Variants in PPP1R9A observed in about 807,000 individuals in gnomAD.
PPP1R9A encodes the protein protein phosphatase 1 regulatory subunit 9A.
A neutral mutation model predicts 141.9 loss-of-function variants in PPP1R9A; 59 were observed. The observed-to-expected ratio is 0.42, with a 90% CI of 0.34 to 0.52. PPP1R9A has a LOEUF of 0.52. Among genes scored for constraint, PPP1R9A ranks in the 20% least tolerant of loss-of-function variants. The pLI is 0.10. For missense variants in PPP1R9A, 1,444 were observed against 1,611.9 expected, an observed-to-expected ratio of 0.90 and a Z score of 1.78; for synonymous variants, 500 against 569.7, an observed-to-expected ratio of 0.88 and a Z score of 1.74.
Position 95,181,329 on chromosome 7 carries a change from A to G in PPP1R9A, c.1755-17020A>G, listed in dbSNP as rs541400004. Among the ~76,000 whole-genome samples the G allele has an allele frequency of 4.7e-3, 660 of 141,190 alleles. 5 individuals are homozygous for G. The highest frequency in any genetic ancestry group is 0.016 in the African/African-American group (634 of 38,756). 92.6% of individuals were successfully genotyped at this position (141,190 alleles called of 152,430 possible). On this transcript the variant is annotated intron_variant, in intron 5 of 19. Transcript: ENST00000433360. ...GAGAATATATATAGAATATATATATAGAATATATAGAATATATATAGTATA... is the reference window on the plus strand; with the variant it reads ...GAGAATATATATAGAATATATATATGGAATATATAGAATATATATAGTATA...
chr7:95,157,610 C>T (rs1584998844), intron 4 of PPP1R9A, among the ~76,000 whole-genome samples: 1 of 152,204 alleles, frequency 6.6e-6, no homozygotes, highest in South Asian at 2.1e-4. Flanking sequence ...CAGCGGCAGG[C>T]CGTCTGGAGT....
chr7:95,221,490 G>C (rs537637660), intron 7 of PPP1R9A, among the ~76,000 whole-genome samples: 1 of 151,852 alleles, frequency 6.6e-6, no homozygotes, highest in South Asian at 2.1e-4. Context: ...AGTGTCCCAG[G>C]CTCTAGTATG....
At chr7:94,916,819 G>GT (rs939333429) in intron 2 of PPP1R9A, among the ~76,000 whole-genome samples, 3 of 151,452 alleles carry the variant, frequency 2.0e-5, no homozygotes, top group African/African-American at 7.3e-5. Flanking sequence ...TTTGTTTTTT[G>GT]TTTTTTGTTT....
chr7:94,953,689 T>G (rs1024855338), intron 2 of PPP1R9A, among the ~76,000 whole-genome samples: 3 of 152,056 alleles, frequency 2.0e-5, no homozygotes, highest in African/African-American at 7.2e-5. Context: ...CTTGTGAGTT[T>G]TATTCCTAGG....
intron 2 of PPP1R9A, among the ~76,000 whole-genome samples, chr7:94,934,174 G>A (rs979011277): frequency 2.0e-5 from 3 of 152,162 alleles, no homozygotes; most frequent in African/African-American, 7.2e-5. Context: ...GTAGAATTTT[G>A]TTTGGGCAAT....
rs910814004 is a variant in PPP1R9A, at chr7:95,210,778, A to G, written c.1956+7048A>G. Reference sequence around the variant, plus strand: ...CCCACCAATGATAGACTGGATAAAGAAAATGTGGCACATATACACCATGCA... The same window carrying G: ...CCCACCAATGATAGACTGGATAAAGGAAATGTGGCACATATACACCATGCA... On this transcript the variant is annotated intron_variant, in intron 7 of 19. Coordinates refer to ENST00000433360, the MANE Select transcript of PPP1R9A (RefSeq NM_001166160.2). 9.2e-5 allele frequency among the ~76,000 whole-genome samples: 14 copies of G among 152,256 alleles called. 1 individual carries two copies. Among genetic ancestry groups the G allele is most frequent in the Admixed American group, 7.2e-4 (11 of 15,286 alleles).
intron 5 of PPP1R9A, among the ~76,000 whole-genome samples, chr7:95,190,293 C>T (rs1322233469): frequency 6.6e-6 from 1 of 152,118 alleles, no homozygotes; most frequent in Non-Finnish European, 1.5e-5. Flanking sequence ...TGTTATTGCT[C>T]CTCTGGGTTT....
At chr7:95,023,494 T>C (rs571937751) in intron 2 of PPP1R9A, among the ~76,000 whole-genome samples, 2 of 150,792 alleles carry the variant, frequency 1.3e-5, no homozygotes, top group Admixed American at 1.3e-4. Context: ...GCTCTCATAT[T>C]AGGTATTTCT....
chr7:95,125,756 A>G (rs543796398), intron 4 of PPP1R9A, among the ~76,000 whole-genome samples: 4 of 152,356 alleles, frequency 2.6e-5, no homozygotes, highest in Non-Finnish European at 5.9e-5. Flanking sequence ...TTATTGGAAG[A>G]GATACCACAT....
rs1475960824 is a variant in PPP1R9A, at chr7:95,151,562, A to T, written c.1650-10305A>T. ...ATGGTGGATACATGTCATCCATCAT[A>T]CATTTGTCAAAACCCGTAGAATGTG... On this transcript the variant is annotated intron_variant, in intron 4 of 19. Coordinates refer to ENST00000433360, the MANE Select transcript of PPP1R9A (RefSeq NM_001166160.2). 3.3e-5 allele frequency among the ~76,000 whole-genome samples: 5 copies of T among 152,294 alleles called. 1 individual carries two copies. Among genetic ancestry groups the T allele is most frequent in the African/African-American group, 1.2e-4 (5 of 41,572 alleles).
chr7:95,237,992 A>G (rs1796943975), intron 8 of PPP1R9A, among the ~76,000 whole-genome samples: 1 of 152,030 alleles, frequency 6.6e-6, no homozygotes, highest in South Asian at 2.1e-4. Flanking sequence ...CTTTAAAGTT[A>G]TACATTTGTA....
intron 4 of PPP1R9A, among the ~76,000 whole-genome samples, chr7:95,158,557 A>T (rs888593628): frequency 2.0e-5 from 3 of 152,180 alleles, no homozygotes; most frequent in Admixed American, 6.5e-5. Flanking sequence ...GTACTTCTTA[A>T]ACAAAACACA....
In PPP1R9A at chr7:94,925,481, G is replaced by A. The variant is rs1464937936; in HGVS notation, c.1395+13973G>A. Among the ~76,000 whole-genome samples, 3 of 152,008 alleles carry A rather than the reference G, an allele frequency of 2.0e-5. No homozygotes were observed. In the East Asian group the frequency reaches 5.8e-4, roughly 29 times the overall value. On this transcript the variant is annotated intron_variant, in intron 2 of 19. Transcript: ENST00000433360. Reference sequence around the variant, plus strand: ...AGGAAACTCATTTTTCCCCCCACATGTCTTAGTGGGGGAGTTGGTTCCTCT... The same window carrying A: ...AGGAAACTCATTTTTCCCCCCACATATCTTAGTGGGGGAGTTGGTTCCTCT...
chr7:95,080,908 C>G (rs1815715114), intron 2 of PPP1R9A, among the ~76,000 whole-genome samples: 1 of 152,150 alleles, frequency 6.6e-6, no homozygotes, highest in Non-Finnish European at 1.5e-5. Context: ...GTCCAGATGA[C>G]TTGCACATGG....
chr7:94,928,862 A>G (rs1252126436), intron 2 of PPP1R9A, among the ~76,000 whole-genome samples: 1 of 152,186 alleles, frequency 6.6e-6, no homozygotes, highest in African/African-American at 2.4e-5. Flanking sequence ...ATATCTAAAA[A>G]GATGTGCCAC....
chr7:95,003,492 G>A (rs533521340), intron 2 of PPP1R9A, among the ~76,000 whole-genome samples: 4 of 152,240 alleles, frequency 2.6e-5, no homozygotes, highest in South Asian at 2.1e-4. Context: ...TTGTTAAGGG[G>A]ATGCTCCTTT....
intron 7 of PPP1R9A, among the ~76,000 whole-genome samples, chr7:95,213,345 G>C (rs1792557445): frequency 7.4e-6 from 1 of 135,984 alleles, no homozygotes; most frequent in Non-Finnish European, 1.5e-5. Flanking sequence ...TTTGGAGACA[G>C]AGTTTTGCTC....
At chr7:95,020,066 A>G (rs1805703521) in intron 2 of PPP1R9A, among the ~76,000 whole-genome samples, 1 of 149,618 alleles carries the variant, frequency 6.7e-6, no homozygotes. Flanking sequence ...CATCATCATC[A>G]TCATTGATGA....
chr7:95,094,381 A>T (rs1376898385), intron 2 of PPP1R9A, among the ~76,000 whole-genome samples: 2 of 152,208 alleles, frequency 1.3e-5, no homozygotes, highest in Admixed American at 1.3e-4. Flanking sequence ...GAAATGTAAA[A>T]TCATTCGTAA....
Sources: allele counts gnomAD v4.1 joint callset (sites outside exome capture counted in the v4.1 genomes callset), GRCh38; gene constraint gnomAD v4.1.1; transcripts MANE v1.5; gene names NCBI Gene and HGNC (gene_info 2026-07-23, HGNC 2026-07-21).